The following SGCZ variants were observed in gnomAD, a reference collection of about 807,000 sequenced individuals.
The protein encoded by SGCZ is zeta-sarcoglycan.
Under a neutral mutation model 41.3 loss-of-function variants are expected in SGCZ, and 40 were observed. The ratio of observed to expected loss-of-function variants is 0.97; its 90% CI spans 0.75 to 1.26. SGCZ has a LOEUF of 1.26. SGCZ is among the 50% of genes most tolerant of loss of function. The probability of loss-of-function intolerance (pLI) is 0.00; values close to 1 mark genes in which losing one functional copy is unlikely to be tolerated. For synonymous variants in SGCZ, 206 were observed against 137.5 expected (o/e 1.50, Z -3.49); for missense variants, 552 against 369.8 (o/e 1.49, Z -4.04).
chr8:14,770,583 T>C (rs566611070), intron 1 of SGCZ, among the ~76,000 whole-genome samples: 2 of 152,218 alleles, frequency 1.3e-5, no homozygotes, highest in Non-Finnish European at 2.9e-5. Flanking sequence ...ACATATATGG[T>C]GTTTTTATGT....
chr8:15,210,964 A>G (rs1801216165), intron 1 of SGCZ, among the ~76,000 whole-genome samples: 1 of 151,742 alleles, frequency 6.6e-6, no homozygotes, highest in African/African-American at 2.4e-5. Context: ...TCTTGGATCA[A>G]TCCAACTGTC....
intron 2 of SGCZ, among the ~76,000 whole-genome samples, chr8:14,521,759 T>C (rs1195390930): frequency 1.3e-5 from 2 of 152,102 alleles, no homozygotes; most frequent in African/African-American, 2.4e-5. Context: ...CCATTTTACA[T>C]TGCCACCAAT....
At chr8:14,736,846 A>G (rs1448279605) in intron 1 of SGCZ, among the ~76,000 whole-genome samples, 1 of 152,110 alleles carries the variant, frequency 6.6e-6, no homozygotes, top group African/African-American at 2.4e-5. Context: ...TAAAAGTAGT[A>G]CAATCTGATC....
chr8:15,043,618 C>A (rs1269954191), intron 1 of SGCZ, among the ~76,000 whole-genome samples: 2 of 151,794 alleles, frequency 1.3e-5, no homozygotes, highest in African/African-American at 4.8e-5. Flanking sequence ...CATTAAAATA[C>A]AATTTTAAAG....
chr8:14,348,537 A>C (rs937139271), intron 2 of SGCZ, among the ~76,000 whole-genome samples: 2 of 152,170 alleles, frequency 1.3e-5, no homozygotes, highest in Non-Finnish European at 2.9e-5. Flanking sequence ...TTGAATATAA[A>C]TTATATCTTG....
At chr8:14,461,401 A>G (rs1465581499) in intron 2 of SGCZ, among the ~76,000 whole-genome samples, 2 of 152,024 alleles carry the variant, frequency 1.3e-5, no homozygotes, top group African/African-American at 4.8e-5. Context: ...ACCTCCTTAC[A>G]CATGTGTAAT....
intron 2 of SGCZ, among the ~76,000 whole-genome samples, chr8:14,485,879 G>T (rs1349983389): frequency 8.0e-6 from 1 of 124,514 alleles, no homozygotes; most frequent in Non-Finnish European, 1.6e-5. Context: ...CTGTCGCCCA[G>T]GCCGGACTGC....
At chr8:14,407,007 G>T (rs2199416) in intron 2 of SGCZ, among the ~76,000 whole-genome samples, 2 of 150,982 alleles carry the variant, frequency 1.3e-5, no homozygotes, top group Non-Finnish European at 2.9e-5. Flanking sequence ...TTTGGAGCCT[G>T]CCTGTCCTGC....
intron 1 of SGCZ, among the ~76,000 whole-genome samples, chr8:14,765,258 G>A (rs1800004133): frequency 1.3e-5 from 2 of 152,126 alleles, no homozygotes. Context: ...AAAAGAAGCT[G>A]AAATATATTT....
chr8:14,969,716 T>C (rs1801231550), intron 1 of SGCZ, among the ~76,000 whole-genome samples: 1 of 152,090 alleles, frequency 6.6e-6, no homozygotes, highest in African/African-American at 2.4e-5. Flanking sequence ...CATATGTTAA[T>C]TGTTCACTCT....
intron 5 of SGCZ, among the ~76,000 whole-genome samples, chr8:14,152,091 A>G (rs570151553): frequency 6.6e-6 from 1 of 152,286 alleles, no homozygotes; most frequent in Non-Finnish European, 1.5e-5. Context: ...GATCTCAAAA[A>G]TATTAAAAAT....
At chr8:14,330,211 A>G (rs988314435) in intron 2 of SGCZ, among the ~76,000 whole-genome samples, 1 of 152,054 alleles carries the variant, frequency 6.6e-6, no homozygotes, top group Non-Finnish European at 1.5e-5. Context: ...TTTATGATCA[A>G]TCTTATTTAT....
intron 1 of SGCZ, among the ~76,000 whole-genome samples, chr8:14,878,539 G>C (rs540859752): frequency 1.3e-5 from 2 of 152,234 alleles, no homozygotes; most frequent in African/African-American, 2.4e-5. Flanking sequence ...AGATGAGGTG[G>C]CCCATATACA....
At chr8:14,278,209 C>T (rs1051042220) in intron 3 of SGCZ, among the ~76,000 whole-genome samples, 3 of 152,150 alleles carry the variant, frequency 2.0e-5, no homozygotes, top group Non-Finnish European at 2.9e-5. Context: ...ACATATCGCC[C>T]CTCCTCCGTA....
At chr8:14,436,882 T>A (rs138293136) in intron 2 of SGCZ, among the ~76,000 whole-genome samples, 2,147 of 152,286 alleles carry the variant, frequency 0.014, 25 homozygotes, top group Non-Finnish European at 0.024. Flanking sequence ...TATTCAGGCT[T>A]GGGATTTTAT....
chr8:14,729,056 A>G (rs993345538), intron 1 of SGCZ, among the ~76,000 whole-genome samples: 18 of 152,188 alleles, frequency 1.2e-4, no homozygotes, highest in African/African-American at 4.3e-4. Context: ...CAAGGAAGGA[A>G]TCCAGTATTT....
chr8:14,667,760 C>G (rs969073731), intron 1 of SGCZ, among the ~76,000 whole-genome samples: 2 of 152,122 alleles, frequency 1.3e-5, no homozygotes, highest in African/African-American at 4.8e-5. Flanking sequence ...ATGAATAAAA[C>G]ATGGTCTCCG....
chr8:14,189,461 T>G (rs1805020452), intron 4 of SGCZ, among the ~76,000 whole-genome samples: 1 of 152,324 alleles, frequency 6.6e-6, no homozygotes, highest in South Asian at 2.1e-4. Flanking sequence ...TTATTCCCAA[T>G]AATCCTTTTG....
rs537168473 is a variant in SGCZ at position 14,407,203 on chromosome 8, G to A, written c.235-82999C>T. On this transcript the variant is annotated intron_variant, in intron 2 of 7. Transcript: ENST00000382080. The stretch of plus-strand genomic sequence containing the variant: ...CCTGCCTCAGCCTCCTGAGTAGCTG[G>A]GATTACAGGTGTGTGCCACCATGCC... 1.5e-3 allele frequency among the ~76,000 whole-genome samples: 225 copies of A among 151,682 alleles called. 1 individual carries two copies. The highest frequency in any genetic ancestry group is 5.0e-3 in the African/African-American group (208 of 41,366).
Sources: gnomAD v4.1 joint callset for allele counts (sites outside exome capture counted in the v4.1 genomes callset) on GRCh38, gnomAD v4.1.1 for gene constraint, MANE v1.5 for transcripts, NCBI Gene and HGNC (gene_info 2026-07-23, HGNC 2026-07-21) for gene names.